The following SOS1 variants were observed in gnomAD, a reference collection of about 807,000 sequenced individuals.
SOS1 encodes son of sevenless homolog 1.
In SOS1, 25 loss-of-function variants were observed where a neutral mutation model predicts 157.6. The observed-to-expected ratio is 0.16, with a 90% CI of 0.12 to 0.22. The LOEUF (loss-of-function observed/expected upper bound fraction) is 0.22. SOS1 is among the 10% of genes least tolerant of loss of function. SOS1 has a pLI of 1.00. For synonymous variants in SOS1, 528 were observed against 534.0 expected (o/e 0.99, Z 0.16); for missense variants, 1,237 against 1,599.1 (o/e 0.77, Z 3.86).
chr2:39,046,605 C>G (rs900171329), intron 6 of SOS1, among the ~76,000 whole-genome samples: 1 of 150,892 alleles, frequency 6.6e-6, no homozygotes, highest in Non-Finnish European at 1.5e-5. Flanking sequence ...CCCGGGTTCA[C>G]GCCATTCTCC....
chr2:39,004,694 T>C (rs1265017021), intron 17 of SOS1, among the ~76,000 whole-genome samples: 2 of 151,976 alleles, frequency 1.3e-5, no homozygotes, highest in Admixed American at 6.6e-5. Context: ...TTAAAACTAA[T>C]ACATGTCAAT....
At chr2:38,990,170 G>GT (rs57752950) in intron 20 of SOS1, among the ~76,000 whole-genome samples, 2,532 of 134,960 alleles carry the variant, frequency 0.019, 29 homozygotes, top group East Asian at 0.063. Context: ...TTCAGATTTC[G>GT]TTTTTTTTTT....
intron 14 of SOS1, 34 bp downstream of exon 14, chr2:39,012,092 A>AATG: frequency 6.9e-7 from 1 of 1,450,112 alleles, no homozygotes; most frequent in Non-Finnish European, 9.7e-7. Context: ...ACTCTTTTGA[A>AATG]ATGACTTTTC....
In SOS1 at chr2:39,120,406, A is replaced by G. The variant is rs749077460; in HGVS notation, c.17T>C (p.Leu6Pro). 1.8e-5 allele frequency: 29 copies of G among 1,596,976 alleles called. No homozygotes were observed. Among genetic ancestry groups the G allele is most frequent in the South Asian group, 9.0e-5 (8 of 89,280 alleles). The change falls in exon 1 of 23, where the codon CTG (leucine) becomes CCG (proline). Residue 6 changes from leucine to proline, a missense_variant. Physicochemically the swap from Leu to Pro is moderately conservative, Grantham distance 98 (BLOSUM62 -3). Coordinates refer to ENST00000402219, the MANE Select transcript of SOS1 (RefSeq NM_005633.4). Reference protein sequence around the residue: MQAQQLPYEFFSEENA... With the variant: MQAQQPPYEFFSEENA... ...CTCTTCGCTGAAAAACTCGTAGGGC[A>G]GCTGCTGCGCCTGCATGGTGCCCCC...
chr2:39,002,740 A>G (rs1669145607), intron 17 of SOS1, among the ~76,000 whole-genome samples: 1 of 152,156 alleles, frequency 6.6e-6, no homozygotes. Context: ...CAGGAAGAGA[A>G]AATCAATGAA....
intron 1 of SOS1, among the ~76,000 whole-genome samples, chr2:39,085,348 A>T (rs553073532): frequency 1.3e-5 from 2 of 152,296 alleles, no homozygotes; most frequent in African/African-American, 4.8e-5. Flanking sequence ...ACATGCAGTT[A>T]TCCTACCCTA....
chr2:39,074,213 G>A (rs539882667), intron 1 of SOS1, among the ~76,000 whole-genome samples: 5 of 152,218 alleles, frequency 3.3e-5, no homozygotes, highest in African/African-American at 4.8e-5. Flanking sequence ...AGCCAGGTGC[G>A]GTGGTGCCCA....
chr2:39,124,350 C>T (rs1674001973), upstream of SOS1: 1 of 152,294 alleles, frequency 6.6e-6, no homozygotes, highest in African/African-American at 2.4e-5. Context: ...CTTCTTTTCG[C>T]TTCCCTCCTC....
In SOS1 at chr2:39,063,377, G is replaced by A. The variant is rs78530895; in HGVS notation, c.213+4251C>T. ...TTCATTAGTTATATGCAAATACTATGCCATTTAATATAAGGGACTTAAGCA... is the reference window on the plus strand; with the variant it reads ...TTCATTAGTTATATGCAAATACTATACCATTTAATATAAGGGACTTAAGCA... On this transcript the variant is annotated intron_variant, in intron 2 of 22. Coordinates refer to ENST00000402219, the MANE Select transcript of SOS1 (RefSeq NM_005633.4). 4.3e-3 allele frequency among the ~76,000 whole-genome samples: 651 copies of A among 152,282 alleles called. 5 individuals carry two copies. Among genetic ancestry groups the A allele is most frequent in the African/African-American group, 0.015 (612 of 41,546 alleles).
intron 1 of SOS1, among the ~76,000 whole-genome samples, chr2:39,108,747 G>T (rs1673304893): frequency 6.6e-6 from 1 of 152,072 alleles, no homozygotes; most frequent in African/African-American, 2.4e-5. Flanking sequence ...TTAAAAATTA[G>T]CCAGGAGTGG....
intron 21 of SOS1, among the ~76,000 whole-genome samples, chr2:38,987,895 T>C (rs1668601995): frequency 6.6e-6 from 1 of 152,246 alleles, no homozygotes; most frequent in Admixed American, 6.5e-5. Flanking sequence ...GATTCTCAGA[T>C]GTCTGGGAGA....
intron 1 of SOS1, among the ~76,000 whole-genome samples, chr2:39,102,638 G>A (rs1010619725): frequency 6.7e-6 from 1 of 150,346 alleles, no homozygotes; most frequent in African/African-American, 2.4e-5. Flanking sequence ...AGGTTATATA[G>A]ATTCTGGAAA....
At chr2:39,121,386 C>T (rs148490657), upstream of SOS1, among the ~76,000 whole-genome samples, 350 of 152,286 alleles carry the variant, frequency 2.3e-3, 3 homozygotes, top group African/African-American at 7.8e-3. Flanking sequence ...ATAAGGACTG[C>T]CCAGAGCACG....
At chr2:39,122,017 C>T (rs1673908785), upstream of SOS1, among the ~76,000 whole-genome samples, 1 of 152,168 alleles carries the variant, frequency 6.6e-6, no homozygotes. Context: ...ACATTGTGTC[C>T]TGCTATTCCT....
intron 1 of SOS1, 147 bp downstream of exon 1, chr2:39,120,189 G>A (rs989535815): frequency 1.6e-6 from 1 of 626,512 alleles, no homozygotes; most frequent in African/African-American, 1.9e-5. Context: ...CCGTATGAGG[G>A]GGGCCTCTCC....
At chr2:39,061,331 T>G (rs1250080987) in intron 2 of SOS1, among the ~76,000 whole-genome samples, 1 of 151,936 alleles carries the variant, frequency 6.6e-6, no homozygotes, top group Non-Finnish European at 1.5e-5. Flanking sequence ...TAGTGGCAAA[T>G]TTATAATTTT....
chr2:39,050,180 T>C (rs1368094706), intron 6 of SOS1, among the ~76,000 whole-genome samples: 3 of 152,226 alleles, frequency 2.0e-5, no homozygotes, highest in Non-Finnish European at 2.9e-5. Flanking sequence ...ACAAGCTCAA[T>C]GCTGTATCAT....
chr2:39,035,995 TAAAC>T (rs1362556700), intron 6 of SOS1, among the ~76,000 whole-genome samples: 2 of 152,128 alleles, frequency 1.3e-5, no homozygotes, highest in Non-Finnish European at 2.9e-5. Flanking sequence ...ACAAAACAAT[TAAAC>T]AAAATCCGAA....
chr2:39,120,469 G>C lies in SOS1; in HGVS notation c.-47C>G, dbSNP rs201218035. 539 of 1,493,760 alleles carry C rather than the reference G, an allele frequency of 3.6e-4. 2 individuals are homozygous for C. In the African/African-American group the frequency reaches 6.5e-3, roughly 18 times the overall value. The allele number at this position is 1,493,760 out of a possible 1,614,324, so 92.5% of individuals were successfully genotyped here. A position where few individuals can be genotyped will look rare whatever the true frequency, so the allele number is the denominator to read the frequency against. ...GGCGGGGAGAGGGGCGGCGGCGGCC[G>C]GGCCAGGGAGCCGCGAGAGGGCGAG... On this transcript the variant is annotated 5_prime_UTR_variant, in exon 1 of 23. Transcript: ENST00000402219.
Sources: allele counts gnomAD v4.1 joint callset (sites outside exome capture counted in the v4.1 genomes callset), GRCh38; gene constraint gnomAD v4.1.1; transcripts MANE v1.5; gene names NCBI Gene and HGNC (gene_info 2026-07-23, HGNC 2026-07-21).